The following CCDC186 variants were observed in gnomAD, a reference collection of about 807,000 sequenced individuals.
The protein encoded by CCDC186 is coiled-coil domain-containing protein 186.
CCDC186 carries 49 observed loss-of-function variants against 113.7 expected under a neutral mutation model. The observed-to-expected ratio is 0.43, with a 90% CI of 0.34 to 0.55. CCDC186 has a LOEUF of 0.55. Ranked by LOEUF, CCDC186 falls within the 20% of genes least tolerant of loss-of-function variation. The pLI, the probability that CCDC186 is intolerant of heterozygous loss-of-function variation, is 0.02. For synonymous variants in CCDC186, 355 were observed against 345.8 expected, an observed-to-expected ratio of 1.03 and a Z score of -0.30; for missense variants, 890 against 1,011.1, an observed-to-expected ratio of 0.88 and a Z score of 1.62.
At chr10:114,135,164 C>T (rs1419559942) in intron 9 of CCDC186, 109 bp from the exon 10 acceptor site, 8 of 1,098,598 alleles carry the variant, frequency 7.3e-6, no homozygotes, top group African/African-American at 5.0e-5. Flanking sequence ...GCACCATTAA[C>T]GTGAAGAAAA....
chr10:114,161,701 A>G (rs932248734), intron 2 of CCDC186: 1 of 152,184 alleles, frequency 6.6e-6, no homozygotes, highest in African/African-American at 2.4e-5. Context: ...GGGTAATATC[A>G]AGAAGGGCCT....
At chr10:114,162,241 GT>G (rs2032189290) in intron 2 of CCDC186, 1 of 156,436 alleles carries the variant, frequency 6.4e-6, no homozygotes, top group Non-Finnish European at 1.4e-5. Context: ...CAATTATTCT[GT>G]TCTCTAAATT....
At chr10:114,169,954 G>T (rs1447437789) in intron 1 of CCDC186, among the ~76,000 whole-genome samples, 1 of 152,178 alleles carries the variant, frequency 6.6e-6, no homozygotes, top group African/African-American at 2.4e-5. Context: ...CTGGAATGCA[G>T]TGGCTCAATC....
At chr10:114,126,606 C>T (rs1030565019) in intron 14 of CCDC186, among the ~76,000 whole-genome samples, 3 of 152,282 alleles carry the variant, frequency 2.0e-5, no homozygotes, top group African/African-American at 2.4e-5. Flanking sequence ...CCTCGGCCTC[C>T]GGCCTCCCAA....
In CCDC186 at chr10:114,136,139, A is replaced by T. The variant is rs773273834; in HGVS notation, c.1425+9T>A. On this transcript the variant is annotated intron_variant, in intron 8 of 15. Transcript: ENST00000369287. ...CAACTTAGGATATATAAAGAGCAAAACTACTCACCTCTAGCTGGTCAGATT... is the reference window on the plus strand; with the variant it reads ...CAACTTAGGATATATAAAGAGCAAATCTACTCACCTCTAGCTGGTCAGATT... 6.2e-7 allele frequency: 1 copy of T among 1,606,830 alleles called. No homozygotes were observed.
At chr10:114,133,798 G>A (rs1164067037) in intron 10 of CCDC186, among the ~76,000 whole-genome samples, 1 of 152,120 alleles carries the variant, frequency 6.6e-6, no homozygotes, top group East Asian at 1.9e-4. Context: ...AAGTGGAGAG[G>A]TACAGAACAT....
At chr10:114,141,625 C>CT (rs1243185324) in intron 6 of CCDC186, among the ~76,000 whole-genome samples, 1 of 151,992 alleles carries the variant, frequency 6.6e-6, no homozygotes, top group Non-Finnish European at 1.5e-5. Context: ...AGTTTCCTCT[C>CT]TTAACACACA....
intron 3 of CCDC186, among the ~76,000 whole-genome samples, chr10:114,152,253 G>T (rs2031878281): frequency 6.6e-6 from 1 of 151,710 alleles, no homozygotes; most frequent in African/African-American, 2.4e-5. Context: ...GAGGCAGGAA[G>T]ATTGCTAGAG....
chr10:114,166,298 T>C (rs2032334948), intron 1 of CCDC186, among the ~76,000 whole-genome samples: 1 of 152,204 alleles, frequency 6.6e-6, no homozygotes, highest in African/African-American at 2.4e-5. Flanking sequence ...TTCCCCCAAC[T>C]TGCGTATTAA....
Position 114,132,134 on chromosome 10 carries a change from G to T in CCDC186, c.1706C>A (p.Ser569Tyr). The T allele has an allele frequency of 6.2e-7, 1 of 1,609,814 alleles. No homozygotes were observed. Among genetic ancestry groups the T allele is most frequent in the Non-Finnish European group, 8.5e-7 (1 of 1,178,116 alleles). Residue 569 changes from serine (S) to tyrosine (Y), a missense_variant, in exon 11 of 16, where the codon TCT (serine) becomes TAT (tyrosine). Ser to Tyr is a moderately radical substitution (Grantham distance 144). Transcript: ENST00000369287. ...NLKEEVESLNSLINDLQKDIE... is the reference protein window; with the variant it reads ...NLKEEVESLNYLINDLQKDIE... ...GTCTTTTTGTAGGTCATTAATCAAA[G>T]AATTAAGACTTTCCACTTCTTCTTT...
At position 114,130,111 on chromosome 10, in the gene CCDC186, C is replaced by T. The variant is rs141892500; in HGVS notation, c.2102-140G>A. ...TTGAATACATACTTTAGGCAGAGGGCTATGTCATTCATATAAAATGTCATT... is the reference window on the plus strand; with the variant it reads ...TTGAATACATACTTTAGGCAGAGGGTTATGTCATTCATATAAAATGTCATT... On this transcript the variant is annotated intron_variant, in intron 12 of 15. Coordinates refer to ENST00000369287, the MANE Select transcript of CCDC186 (RefSeq NM_018017.4). 598 of 604,264 alleles carry T rather than the reference C, an allele frequency of 9.9e-4. 2 individuals are homozygous for T. The highest frequency in any genetic ancestry group is 1.8e-3 in the Admixed American group (57 of 30,964). 37.4% of individuals were successfully genotyped at this position (604,264 alleles called of 1,614,324 possible). A position where few individuals can be genotyped will look rare whatever the true frequency, so the allele number is the denominator to read the frequency against.
intron 4 of CCDC186, among the ~76,000 whole-genome samples, chr10:114,146,039 C>A (rs2031629967): frequency 6.6e-6 from 1 of 152,152 alleles, no homozygotes; most frequent in African/African-American, 2.4e-5. Flanking sequence ...ATCCCCTTTC[C>A]CACTTTTTTT....
intron 1 of CCDC186, among the ~76,000 whole-genome samples, chr10:114,166,428 A>C (rs1054678724): frequency 3.3e-5 from 5 of 152,244 alleles, no homozygotes; most frequent in Middle Eastern, 3.2e-3. Flanking sequence ...TCACAAGTAC[A>C]AAAATAGTCT....
intron 6 of CCDC186, among the ~76,000 whole-genome samples, chr10:114,143,219 A>G (rs1178456751): frequency 6.6e-6 from 1 of 152,166 alleles, no homozygotes; most frequent in East Asian, 1.9e-4. Context: ...CTGAGCTCAA[A>G]GCTGCCATTA....
chr10:114,158,631 C>T lies in CCDC186; in HGVS notation c.633-951G>A, dbSNP rs373347008. On this transcript the variant is annotated intron_variant, in intron 2 of 15. Coordinates refer to ENST00000369287, the MANE Select transcript of CCDC186 (RefSeq NM_018017.4). The stretch of plus-strand genomic sequence containing the variant: ...GGAGTCCCAGGAAAAGCACTTGATC[C>T]CAGGAGTTCCAGGCTGCAGTGAGCT... Among the ~76,000 whole-genome samples, 114 of 151,552 alleles carry T rather than the reference C, an allele frequency of 7.5e-4. 1 individual carries two copies. Among genetic ancestry groups the T allele is most frequent in the African/African-American group, 2.5e-3 (104 of 41,316 alleles).
chr10:114,145,296 G>A (rs1179611020), intron 5 of CCDC186, among the ~76,000 whole-genome samples: 1 of 151,688 alleles, frequency 6.6e-6, no homozygotes, highest in Non-Finnish European at 1.5e-5. Context: ...TTTTTAGAAA[G>A]CTCAAGAAAA....
chr10:114,159,927 C>T (rs2032122227), intron 2 of CCDC186, among the ~76,000 whole-genome samples: 1 of 152,010 alleles, frequency 6.6e-6, no homozygotes, highest in Admixed American at 6.6e-5. Flanking sequence ...ACACCCACTA[C>T]ACTCCAGCTT....
chr10:114,142,787 A>C (rs1375637267), intron 6 of CCDC186, among the ~76,000 whole-genome samples: 1 of 152,182 alleles, frequency 6.6e-6, no homozygotes, highest in African/African-American at 2.4e-5. Flanking sequence ...GGTGGGCAGG[A>C]ACCAGAAACC....
At chr10:114,145,382 A>G (rs2031604020) in intron 5 of CCDC186, among the ~76,000 whole-genome samples, 167 bp downstream of exon 5, 1 of 152,212 alleles carries the variant, frequency 6.6e-6, no homozygotes, top group African/African-American at 2.4e-5. Flanking sequence ...AAGTAATAGA[A>G]CACTTGAATT....
Sources: allele counts gnomAD v4.1 joint callset (sites outside exome capture counted in the v4.1 genomes callset), GRCh38; gene constraint gnomAD v4.1.1; transcripts MANE v1.5; gene names NCBI Gene and HGNC (gene_info 2026-07-23, HGNC 2026-07-21).